Variants in CNTN4 observed in about 807,000 individuals in gnomAD.
CNTN4 encodes the protein contactin-4.
Under a neutral mutation model 122.5 loss-of-function variants are expected in CNTN4, and 77 were observed. The ratio of observed to expected loss-of-function variants is 0.63; its 90% CI spans 0.52 to 0.76. The LOEUF is 0.76. Among genes scored for constraint, CNTN4 ranks in the 30% least tolerant of loss-of-function variants. The pLI is 0.00. For missense variants in CNTN4, 1,256 were observed against 1,259.1 expected (o/e 1.00, Z 0.04); for synonymous variants, 512 against 447.0 (o/e 1.15, Z -1.83).
chr3:2,409,124 AATC>A (rs751026022), intron 3 of CNTN4, among the ~76,000 whole-genome samples: 109 of 152,174 alleles, frequency 7.2e-4, no homozygotes, highest in Admixed American at 1.2e-3. Flanking sequence ...ATAGCTTTGG[AATC>A]ATCTTCTAAA....
At chr3:2,963,663 C>G (rs1402635498) in intron 13 of CNTN4, among the ~76,000 whole-genome samples, 1 of 152,194 alleles carries the variant, frequency 6.6e-6, no homozygotes, top group East Asian at 1.9e-4. Context: ...ATTCCATCAT[C>G]TTTTGTGCCC....
At chr3:3,053,695 A>G (rs759076627) in intron 23 of CNTN4, 112 bp from the exon 24 acceptor site, 3 of 1,055,262 alleles carry the variant, frequency 2.8e-6, no homozygotes, top group Admixed American at 3.5e-5. Context: ...CAGCCAGACA[A>G]CCTCTACATC....
chr3:2,256,474 C>A (rs2040596399), intron 2 of CNTN4, among the ~76,000 whole-genome samples: 1 of 152,112 alleles, frequency 6.6e-6, no homozygotes, highest in Non-Finnish European at 1.5e-5. Flanking sequence ...CAAAACCTGG[C>A]AGAGACACAA....
At chr3:2,623,690 A>G (rs571247031) in intron 4 of CNTN4, among the ~76,000 whole-genome samples, 1 of 152,278 alleles carries the variant, frequency 6.6e-6, no homozygotes, top group East Asian at 1.9e-4. Flanking sequence ...CTGTAGTAAC[A>G]CGGTAGCTTG....
intron 3 of CNTN4, among the ~76,000 whole-genome samples, chr3:2,555,963 C>T (rs2078704344): frequency 6.6e-6 from 1 of 152,136 alleles, no homozygotes; most frequent in African/African-American, 2.4e-5. Flanking sequence ...AGGTTCATCC[C>T]TTAGACAGAT....
intron 2 of CNTN4, among the ~76,000 whole-genome samples, chr3:2,125,506 C>G (rs896066633): frequency 3.3e-5 from 5 of 151,844 alleles, no homozygotes; most frequent in Middle Eastern, 3.5e-3. Context: ...GACATCTTGA[C>G]TTCAATTCCT....
chr3:2,903,371 T>C (rs918292966), intron 12 of CNTN4, among the ~76,000 whole-genome samples: 14 of 152,214 alleles, frequency 9.2e-5, no homozygotes, highest in Non-Finnish European at 1.6e-4. Flanking sequence ...GAAAGGCTTA[T>C]TTGAACAGCT....
At chr3:2,959,184 A>G (rs1314988235) in intron 13 of CNTN4, among the ~76,000 whole-genome samples, 1 of 152,216 alleles carries the variant, frequency 6.6e-6, no homozygotes, top group Non-Finnish European at 1.5e-5. Flanking sequence ...ACAGGAAACT[A>G]CAGCAATTTT....
chr3:2,808,656 G>T (rs2092529334), intron 6 of CNTN4, among the ~76,000 whole-genome samples: 1 of 152,156 alleles, frequency 6.6e-6, no homozygotes, highest in Non-Finnish European at 1.5e-5. Context: ...CATTCCCTGG[G>T]GCAGGGGTGA....
intron 4 of CNTN4, among the ~76,000 whole-genome samples, chr3:2,579,260 A>T (rs1347986349): frequency 1.3e-5 from 2 of 152,212 alleles, no homozygotes; most frequent in Non-Finnish European, 2.9e-5. Context: ...ATTTAGGAAG[A>T]CAGGAAAAAA....
chr3:2,408,134 C>G (rs767676225), intron 3 of CNTN4, among the ~76,000 whole-genome samples: 13 of 151,992 alleles, frequency 8.6e-5, no homozygotes, highest in Non-Finnish European at 1.6e-4. Context: ...AGTATATGAC[C>G]AAGTAGATAT....
At chr3:2,250,538 T>G (rs1442621781) in intron 2 of CNTN4, among the ~76,000 whole-genome samples, 3 of 151,872 alleles carry the variant, frequency 2.0e-5, no homozygotes, top group African/African-American at 7.2e-5. Flanking sequence ...TATTGAATAT[T>G]CCCAACACAA....
chr3:2,414,456 T>A (rs944744687), intron 3 of CNTN4, among the ~76,000 whole-genome samples: 1 of 152,160 alleles, frequency 6.6e-6, no homozygotes, highest in Non-Finnish European at 1.5e-5. Flanking sequence ...ATGCATTAAA[T>A]AAATATGTAA....
intron 3 of CNTN4, among the ~76,000 whole-genome samples, chr3:2,418,077 CA>C (rs1015932018): frequency 1.3e-5 from 2 of 152,078 alleles, no homozygotes; most frequent in African/African-American, 4.8e-5. Flanking sequence ...CATGTTATTA[CA>C]AATTTTTCCA....
intron 3 of CNTN4, among the ~76,000 whole-genome samples, chr3:2,428,901 C>T (rs906744815): frequency 1.3e-5 from 2 of 152,160 alleles, no homozygotes; most frequent in African/African-American, 4.8e-5. Context: ...AGGTAGTACT[C>T]GTGCCATGGT....
chr3:2,785,546 C>T (rs143065393), intron 6 of CNTN4, among the ~76,000 whole-genome samples: 191 of 152,314 alleles, frequency 1.3e-3, no homozygotes, highest in African/African-American at 3.9e-3. Flanking sequence ...CTTTGCACTC[C>T]TTGGCCCAAA....
At chr3:2,450,426 T>A (rs1233586014) in intron 3 of CNTN4, among the ~76,000 whole-genome samples, 1 of 151,916 alleles carries the variant, frequency 6.6e-6, no homozygotes, top group Non-Finnish European at 1.5e-5. Flanking sequence ...CAGGTGTGTG[T>A]ATAGGAGCTA....
intron 2 of CNTN4, among the ~76,000 whole-genome samples, chr3:2,198,858 A>G (rs2037966027): frequency 1.3e-5 from 2 of 152,196 alleles, no homozygotes; most frequent in East Asian, 3.9e-4. Context: ...TACTAGTTTT[A>G]TGTTCTCATC....
At chr3:2,886,976 T>C in intron 9 of CNTN4, 64 bp from the exon 10 acceptor site, 1 of 1,421,060 alleles carries the variant, frequency 7.0e-7, no homozygotes, top group South Asian at 1.2e-5. Context: ...AGGAAGCGTT[T>C]AGGTTCAGAT....
Sources: allele counts gnomAD v4.1 joint callset (sites outside exome capture counted in the v4.1 genomes callset), GRCh38; gene constraint gnomAD v4.1.1; transcripts MANE v1.5; gene names NCBI Gene and HGNC (gene_info 2026-07-23, HGNC 2026-07-21).